The following OTOP3 variants were observed in gnomAD, a reference collection of about 807,000 sequenced individuals.
OTOP3 encodes the protein otopetrin 3.
OTOP3 carries 41 observed loss-of-function variants against 50.8 expected under a neutral mutation model. That is an observed-to-expected ratio of 0.81 (90% CI 0.63 to 1.05). The LOEUF (loss-of-function observed/expected upper bound fraction) is 1.05. OTOP3 is among the 50% of genes least tolerant of loss of function. The pLI is 0.00. For missense variants in OTOP3, 788 were observed against 760.8 expected, an observed-to-expected ratio of 1.04 and a Z score of -0.42; for synonymous variants, 320 against 324.4, an observed-to-expected ratio of 0.99 and a Z score of 0.14.
chr17:74,935,829 G>T (rs753372886), upstream of OTOP3: 17 of 1,524,668 alleles, frequency 1.1e-5, no homozygotes, highest in Non-Finnish European at 1.3e-5. Context: ...AGCGGCGGCT[G>T]CGCAGTCCCG....
At chr17:74,947,982 C>T (rs1291650800) in intron 6 of OTOP3, among the ~76,000 whole-genome samples, 1 of 152,192 alleles carries the variant, frequency 6.6e-6, no homozygotes, top group African/African-American at 2.4e-5. Context: ...GTACCCACAG[C>T]CTGTAAGTGG....
At chr17:74,940,174 T>TG (rs2039157862) in intron 1 of OTOP3, among the ~76,000 whole-genome samples, 1 of 121,982 alleles carries the variant, frequency 8.2e-6, no homozygotes, top group African/African-American at 3.5e-5. Context: ...GCTTTTTTGT[T>TG]TTTTTTTTTT....
chr17:74,941,793 GC>G lies in OTOP3; in HGVS notation c.424del (p.Leu142SerfsTer7). On this transcript the variant is annotated frameshift_variant, in exon 2 of 7. Transcript: ENST00000328801. LOFTEE classifies it high-confidence loss of function. ...TGCTCTACCAAGATCCCCACGCGGG[GC>G]CCCTCTGGGTGCGGGGTGAGTGTCA... ...AVLYQDPHAG[P>X]LWVRGSLVLF... 1 of 1,609,700 alleles carries G rather than the reference GC, an allele frequency of 6.2e-7. No individual in the cohort carries two copies. Among genetic ancestry groups the G allele is most frequent in the South Asian group, 1.1e-5 (1 of 90,894 alleles).
At chr17:74,945,768 T>A (rs142710792) in intron 5 of OTOP3, among the ~76,000 whole-genome samples, 1 of 152,236 alleles carries the variant, frequency 6.6e-6, no homozygotes, top group East Asian at 1.9e-4. Flanking sequence ...AGAGACATCA[T>A]GTGAGGGTTC....
In OTOP3 at chr17:74,943,779, CA is replaced by C; in HGVS notation, c.751+56del. ...CCTGAAACACACACACACACACACA[CA>C]CACACACACACACATAAACGCTACA... On this transcript the variant is annotated intron_variant, in intron 5 of 6. Transcript: ENST00000328801. The C allele has an allele frequency of 2.4e-6, 3 of 1,267,302 alleles. No individual in the cohort carries two copies. In the East Asian group the frequency reaches 7.0e-5, roughly 29 times the overall value. The allele number at this position is 1,267,302 out of a possible 1,614,324, so 78.5% of individuals were successfully genotyped here. A position where few individuals can be genotyped will look rare whatever the true frequency, so the allele number is the denominator to read the frequency against.
At position 74,941,617 on chromosome 17, in the gene OTOP3, T is replaced by C. The variant is rs757151043; in HGVS notation, c.244T>C (p.Phe82Leu). 2 of 1,613,830 alleles carry C rather than the reference T, an allele frequency of 1.2e-6. No individual in the cohort carries two copies. The highest frequency in any genetic ancestry group is 1.1e-5 in the South Asian group (1 of 91,042). ...GGGGCTCCTGGCCCTGAATGTGGTG[T>C]TCCTGGGTGGCGCCTTCATCTGCAG... ...FSGLLALNVV[F>L]LGGAFICSMI... Residue 82 changes from phenylalanine (F) to leucine (L), a missense_variant, in exon 2 of 7, where the codon TTC becomes CTC. Phe to Leu is a conservative substitution (Grantham distance 22). Transcript: ENST00000328801.
At chr17:74,941,852 G>C in intron 2 of OTOP3, 43 bp downstream of exon 2, 1 of 1,591,472 alleles carries the variant, frequency 6.3e-7, no homozygotes, top group Non-Finnish European at 8.6e-7. Flanking sequence ...GGTGGGGAGG[G>C]AGAGCCGGTT....
At position 74,949,396 on chromosome 17, in the gene OTOP3, G is replaced by A; in HGVS notation, c.1717G>A (p.Glu573Lys). ...YRMHSVGGLV[E>K]VYLGA ...CATGCACTCTGTGGGAGGCCTGGTG[G>A]AGGTCTACCTGGGGGCCTGAGGCTG... Residue 573 changes from glutamate to lysine, a missense_variant, in exon 7 of 7, where the codon GAG (glutamate) becomes AAG (lysine). Coordinates refer to ENST00000328801, the MANE Select transcript of OTOP3 (RefSeq NM_001272005.2). The A allele has an allele frequency of 1.2e-6, 2 of 1,613,064 alleles. No individual in the cohort carries two copies. The highest frequency in any genetic ancestry group is 2.7e-5 in the African/African-American group (2 of 74,960).
rs8068514 is a variant in OTOP3 at position 74,949,239 on chromosome 17, T to C, written c.1567-7T>C. ...CCTTCCCTAACTCAGCACATCCTCT[T>C]CCCCAGCTGTGGATGATGCCTGCAT... On this transcript the variant is annotated splice_region_variant and splice_polypyrimidine_tract_variant and intron_variant, in intron 6 of 6. Transcript: ENST00000328801. 0.23 allele frequency: 376,747 copies of C among 1,612,838 alleles called. 44,844 individuals carry two copies. Among genetic ancestry groups the C allele is most frequent in the Middle Eastern group, 0.26 (1,563 of 6,056 alleles).
At chr17:74,946,179 T>C (rs942661402) in intron 5 of OTOP3, among the ~76,000 whole-genome samples, 3 of 152,296 alleles carry the variant, frequency 2.0e-5, no homozygotes, top group Middle Eastern at 6.8e-3. Flanking sequence ...GGTTTCACCA[T>C]GTTGCCCAAG....
At chr17:74,936,009 C>A in intron 1 of OTOP3, 69 bp downstream of exon 1, 1 of 1,531,676 alleles carries the variant, frequency 6.5e-7, no homozygotes, top group South Asian at 1.2e-5. Context: ...ACTACCCACC[C>A]CCCCAAAAGG....
Position 74,941,422 on chromosome 17 carries a change from T to C in OTOP3, c.49T>C (p.Ser17Pro). The change falls in exon 2 of 7, where the codon TCA becomes CCA. Residue 17 changes from serine (S) to proline (P), a missense_variant. Transcript: ENST00000328801. ...APAEATPMPSSEAQETEAAPE... is the reference protein window; with the variant it reads ...APAEATPMPSPEAQETEAAPE... ...TGCTGAGGCTACACCCATGCCTTCTTCAGAAGCACAGGAGACTGAAGCAGC... is the reference window on the plus strand; with the variant it reads ...TGCTGAGGCTACACCCATGCCTTCTCCAGAAGCACAGGAGACTGAAGCAGC... 6.4e-7 allele frequency: 1 copy of C among 1,557,858 alleles called. No individual in the cohort carries two copies. Among genetic ancestry groups the C allele is most frequent in the Non-Finnish European group, 8.7e-7 (1 of 1,151,638 alleles).
chr17:74,936,960 C>CT (rs1173007266), intron 1 of OTOP3, among the ~76,000 whole-genome samples: 1,133 of 39,430 alleles, frequency 0.029, 78 homozygotes, highest in African/African-American at 0.09. Flanking sequence ...ACCCCCCCAC[C>CT]CTTTTTTTTT....
At chr17:74,948,953 T>C (rs1468134992) in intron 6 of OTOP3, among the ~76,000 whole-genome samples, 6 of 152,346 alleles carry the variant, frequency 3.9e-5, no homozygotes, top group Admixed American at 3.9e-4. Context: ...TGGGAATTCC[T>C]GCTTCTCCCC....
Position 74,949,929 on chromosome 17 carries a change from G to A in OTOP3, c.*513G>A, listed in dbSNP as rs990811440. The A allele has an allele frequency of 2.6e-5, 4 of 153,298 alleles. No homozygotes were observed. The highest frequency in any genetic ancestry group is 9.6e-5 in the African/African-American group (4 of 41,496). 9.5% of individuals were successfully genotyped at this position (153,298 alleles called of 1,614,324 possible). A position where few individuals can be genotyped will look rare whatever the true frequency, so the allele number is the denominator to read the frequency against. On this transcript the variant is annotated 3_prime_UTR_variant, in exon 7 of 7. Transcript: ENST00000328801. ...CTGTCTCCTAATGAGCTCATTCATT[G>A]GCTGCCAGGCAGGGTTCAACAGCTC...
At chr17:74,940,155 T>C (rs949047157) in intron 1 of OTOP3, among the ~76,000 whole-genome samples, 1 of 148,942 alleles carries the variant, frequency 6.7e-6, no homozygotes, top group African/African-American at 2.5e-5. Flanking sequence ...ATATATGGGG[T>C]TTTTTTCGGC....
intron 5 of OTOP3, among the ~76,000 whole-genome samples, chr17:74,945,709 G>GT (rs935165037): frequency 2.3e-4 from 35 of 152,210 alleles, no homozygotes; most frequent in Non-Finnish European, 1.5e-5. Flanking sequence ...ACAGCCACGG[G>GT]TTTTCCCTTG....
chr17:74,945,485 T>C (rs1449007261), intron 5 of OTOP3, among the ~76,000 whole-genome samples: 2 of 152,192 alleles, frequency 1.3e-5, no homozygotes, highest in African/African-American at 4.8e-5. Context: ...TCAGGTTGCT[T>C]CCTCCTGGCA....
rs1270749497 is a variant in OTOP3 at position 74,943,773 on chromosome 17, C to T, written c.751+49C>T. The T allele has an allele frequency of 3.2e-6, 4 of 1,236,744 alleles. No individual in the cohort carries two copies. In the Admixed American group the frequency reaches 5.2e-5, roughly 16 times the overall value. 76.6% of individuals were successfully genotyped at this position (1,236,744 alleles called of 1,614,324 possible). On this transcript the variant is annotated intron_variant, in intron 5 of 6. Transcript: ENST00000328801. The stretch of plus-strand genomic sequence containing the variant: ...CCTTGCCCTGAAACACACACACACA[C>T]ACACACACACACACACACACATAAA...
Sources: gnomAD v4.1 joint callset for allele counts (sites outside exome capture counted in the v4.1 genomes callset) on GRCh38, gnomAD v4.1.1 for gene constraint, MANE v1.5 for transcripts, NCBI Gene and HGNC (gene_info 2026-07-23, HGNC 2026-07-21) for gene names.